The following PDE4D variants were observed in gnomAD, a reference collection of about 807,000 sequenced individuals.
PDE4D encodes phosphodiesterase 4D, also known as 3',5'-cyclic-AMP phosphodiesterase 4D.
A neutral mutation model predicts 87.4 loss-of-function variants in PDE4D; 24 were observed. The observed-to-expected ratio is 0.27, with a 90% CI of 0.20 to 0.39. PDE4D has a LOEUF of 0.39. PDE4D is among the 10% of genes least tolerant of loss of function. The probability of loss-of-function intolerance (pLI) is 1.00; values close to 1 mark genes in which losing one functional copy is unlikely to be tolerated. For synonymous variants in PDE4D, 384 were observed against 383.2 expected (o/e 1.00, Z -0.02); for missense variants, 714 against 1,041.0 (o/e 0.69, Z 4.32).
intron 2 of PDE4D, among the ~76,000 whole-genome samples, chr5:60,025,990 A>T (rs1561993476): frequency 6.6e-6 from 1 of 152,188 alleles, no homozygotes; most frequent in Non-Finnish European, 1.5e-5. Context: ...TTTTTCCCTC[A>T]AAGTCAGAAC....
Position 60,172,101 on chromosome 5 carries a change from A to AAT in PDE4D, c.42+13454_42+13455dup, listed in dbSNP as rs577272867. On this transcript the variant is annotated intron_variant, in intron 2 of 16. Transcript: ENST00000502484. ...AATAGTTTTGAGAACTAAATGAGTG[A>AAT]ATATATATATATTATATTATATATA... Among the ~76,000 whole-genome samples the AAT allele has an allele frequency of 3.6e-3, 536 of 147,104 alleles. 4 individuals are homozygous for AAT. The highest frequency in any genetic ancestry group is 0.012 in the African/African-American group (501 of 40,548).
intron 5 of PDE4D, among the ~76,000 whole-genome samples, chr5:59,095,202 A>G (rs1769473533): frequency 6.6e-6 from 1 of 151,698 alleles, no homozygotes; most frequent in East Asian, 1.9e-4. Context: ...ATGACCCACC[A>G]TTCAACGATC....
chr5:59,808,115 T>A (rs1332923011), intron 1 of PDE4D, among the ~76,000 whole-genome samples: 1 of 152,226 alleles, frequency 6.6e-6, no homozygotes, highest in Non-Finnish European at 1.5e-5. Context: ...CAGATTTCAC[T>A]GGAACACTAG....
intron 2 of PDE4D, among the ~76,000 whole-genome samples, chr5:60,069,003 C>G (rs964484342): frequency 4.6e-5 from 7 of 152,120 alleles, no homozygotes; most frequent in Non-Finnish European, 8.8e-5. Context: ...AATCTTTAAG[C>G]CATTTCAAGT....
At chr5:60,065,319 T>C (rs1425712259) in intron 2 of PDE4D, among the ~76,000 whole-genome samples, 1 of 151,928 alleles carries the variant, frequency 6.6e-6, no homozygotes, top group African/African-American at 2.4e-5. Flanking sequence ...ATCAGGGCTA[T>C]GATCTATTAT....
At chr5:60,230,879 T>C (rs986773522) in intron 1 of PDE4D, among the ~76,000 whole-genome samples, 2 of 152,030 alleles carry the variant, frequency 1.3e-5, no homozygotes, top group Admixed American at 1.3e-4. Context: ...GGCTTTGGCA[T>C]AAACTCTAGA....
chr5:59,846,228 G>A (rs1743826112), intron 1 of PDE4D, among the ~76,000 whole-genome samples: 1 of 152,004 alleles, frequency 6.6e-6, no homozygotes, highest in East Asian at 1.9e-4. Context: ...GAAAAGGTTA[G>A]CATTAATTGG....
chr5:59,618,450 CA>C (rs1829967315), intron 1 of PDE4D, among the ~76,000 whole-genome samples: 1 of 152,086 alleles, frequency 6.6e-6, no homozygotes, highest in African/African-American at 2.4e-5. Context: ...GAGGACCTGA[CA>C]AAAGAACAGA....
intron 2 of PDE4D, among the ~76,000 whole-genome samples, chr5:60,143,747 G>A (rs540182313): frequency 6.6e-6 from 1 of 151,736 alleles, no homozygotes; most frequent in African/African-American, 2.4e-5. Flanking sequence ...AAAATTTATT[G>A]ATTATGTTAG....
intron 1 of PDE4D, among the ~76,000 whole-genome samples, chr5:59,478,809 A>G (rs1803751414): frequency 1.3e-5 from 2 of 152,078 alleles, no homozygotes; most frequent in African/African-American, 4.8e-5. Flanking sequence ...TATCTATTTG[A>G]CTTAGTTAAC....
intron 1 of PDE4D, among the ~76,000 whole-genome samples, chr5:59,748,134 C>T (rs184427151): frequency 1.2e-4 from 19 of 152,314 alleles, no homozygotes. Flanking sequence ...GTAGTCCTCT[C>T]TCACACTGTA....
intron 1 of PDE4D, among the ~76,000 whole-genome samples, chr5:59,576,797 T>C (rs1823236673): frequency 6.6e-6 from 1 of 152,162 alleles, no homozygotes; most frequent in African/African-American, 2.4e-5. Flanking sequence ...CTCTCAAAAA[T>C]CAAATCTGGC....
intron 5 of PDE4D, among the ~76,000 whole-genome samples, chr5:59,051,627 T>G (rs1164207522): frequency 6.6e-6 from 1 of 152,212 alleles, no homozygotes; most frequent in East Asian, 1.9e-4. Context: ...TGATTTCTAA[T>G]GGACACGAAC....
At chr5:60,124,980 T>C (rs1477276318) in intron 2 of PDE4D, among the ~76,000 whole-genome samples, 1 of 152,182 alleles carries the variant, frequency 6.6e-6, no homozygotes. Context: ...TCACTCTAGG[T>C]TGTATTTCTG....
intron 1 of PDE4D, among the ~76,000 whole-genome samples, chr5:60,485,358 G>A (rs1749054617): frequency 6.6e-6 from 1 of 151,310 alleles, no homozygotes; most frequent in African/African-American, 2.4e-5. Context: ...GAAAAACGTT[G>A]GAGGGAAGAG....
At chr5:58,990,110 G>C (rs114725605) in intron 9 of PDE4D, among the ~76,000 whole-genome samples, 191 bp from the exon 10 acceptor site, 1,695 of 152,212 alleles carry the variant, frequency 0.011, 30 homozygotes, top group African/African-American at 0.038. Flanking sequence ...GACAAAACCA[G>C]AGTTGGGTTG....
chr5:60,102,137 C>G (rs570273411), intron 2 of PDE4D, among the ~76,000 whole-genome samples: 73 of 152,190 alleles, frequency 4.8e-4, no homozygotes, highest in Non-Finnish European at 5.0e-4. Context: ...ATCATTCAAC[C>G]AAACTCCACA....
At chr5:59,130,503 G>A (rs746426556) in intron 5 of PDE4D, among the ~76,000 whole-genome samples, 2 of 152,138 alleles carry the variant, frequency 1.3e-5, no homozygotes, top group Non-Finnish European at 2.9e-5. Context: ...TCCTTTGCAG[G>A]AATCCATAAA....
chr5:59,649,905 C>CT (rs1156467369), intron 1 of PDE4D, among the ~76,000 whole-genome samples: 1,639 of 72,380 alleles, frequency 0.023, 248 homozygotes, highest in African/African-American at 0.1. Context: ...GTTTGTGAAC[C>CT]TTTTTTTTTT....
Sources: gnomAD v4.1 joint callset for allele counts (sites outside exome capture counted in the v4.1 genomes callset) on GRCh38, gnomAD v4.1.1 for gene constraint, MANE v1.5 for transcripts, NCBI Gene and HGNC (gene_info 2026-07-23, HGNC 2026-07-21) for gene names.